The following TYW1B variants were observed in gnomAD, a reference collection of about 807,000 sequenced individuals.
TYW1B encodes S-adenosyl-L-methionine-dependent tRNA 4-demethylwyosine synthase TYW1B.
Under a neutral mutation model 86.9 loss-of-function variants are expected in TYW1B, and 73 were observed. That is an observed-to-expected ratio of 0.84 (90% CI 0.70 to 1.02). The LOEUF (loss-of-function observed/expected upper bound fraction) is 1.02. TYW1B is among the 50% of genes least tolerant of loss of function. The pLI is 0.00. For missense variants in TYW1B, 637 were observed against 827.4 expected, an observed-to-expected ratio of 0.77 and a Z score of 2.82; for synonymous variants, 248 against 292.8, an observed-to-expected ratio of 0.85 and a Z score of 1.56.
chr7:72,815,824 G>A (rs1788712592), intron 2 of TYW1B, among the ~76,000 whole-genome samples: 2 of 152,094 alleles, frequency 1.3e-5, no homozygotes, highest in African/African-American at 2.4e-5. Flanking sequence ...AGGACCACTT[G>A]AGGCCAAGCC....
intron 9 of TYW1B, among the ~76,000 whole-genome samples, chr7:72,715,307 T>C (rs1786757065): frequency 6.6e-6 from 1 of 152,160 alleles, no homozygotes. Context: ...AGAATCCCAA[T>C]GTCCAGGCCA....
At chr7:72,689,876 CA>C (rs1271914658) in intron 11 of TYW1B, among the ~76,000 whole-genome samples, 1 of 152,130 alleles carries the variant, frequency 6.6e-6, no homozygotes, top group Non-Finnish European at 1.5e-5. Context: ...GATATAAGGT[CA>C]AATGTGAAAT....
At chr7:72,752,732 A>AAAACAAAC (rs143294618) in intron 7 of TYW1B, among the ~76,000 whole-genome samples, 84,928 of 150,692 alleles carry the variant, frequency 0.56, 24,725 homozygotes, top group Non-Finnish European at 0.64. Context: ...CTCCGTCTCA[A>AAAACAAAC]AAACAAACAA....
rs60686482 is a variant in TYW1B at position 72,800,707 on chromosome 7, C to CAA, written c.846+1691_846+1692dup. On this transcript the variant is annotated intron_variant, in intron 6 of 13. Coordinates refer to ENST00000620995, the MANE Select transcript of TYW1B (RefSeq NM_001145440.3). ...CTTGACAGAGCAAGACTCGAAAAGT[C>CAA]AAAAAAAAAAAAAAAAAAAGGCAGA... Among the ~76,000 whole-genome samples, 321 of 127,918 alleles carry CAA rather than the reference C, an allele frequency of 2.5e-3. 2 individuals carry two copies. Among genetic ancestry groups the CAA allele is most frequent in the African/African-American group, 8.5e-3 (291 of 34,180 alleles). The allele number at this position is 127,918 out of a possible 152,430, so 83.9% of individuals were successfully genotyped here.
intron 11 of TYW1B, among the ~76,000 whole-genome samples, chr7:72,648,606 A>G (rs190202443): frequency 6.6e-6 from 1 of 152,214 alleles, no homozygotes; most frequent in Non-Finnish European, 1.5e-5. Flanking sequence ...AGAGTAGAAA[A>G]GACATGCCTT....
rs1308907828 is a variant in TYW1B at position 72,690,021 on chromosome 7, T to C, written c.1506+4666A>G. On this transcript the variant is annotated intron_variant, in intron 11 of 13. Transcript: ENST00000620995. Reference sequence around the variant, plus strand: ...AACAACCATTATTCAAATAATGATGTCAGGTCAGAGTATCCTAACATCTGT... The same window carrying C: ...AACAACCATTATTCAAATAATGATGCCAGGTCAGAGTATCCTAACATCTGT... Among the ~76,000 whole-genome samples the C allele has an allele frequency of 1.3e-5, 2 of 152,348 alleles. 1 individual carries two copies. The highest frequency in any genetic ancestry group is 4.1e-4 in the South Asian group (2 of 4,830).
intron 13 of TYW1B, among the ~76,000 whole-genome samples, chr7:72,608,026 A>G (rs1416411889): frequency 3.9e-5 from 6 of 152,236 alleles, no homozygotes; most frequent in African/African-American, 1.4e-4. Context: ...ATCAGATACC[A>G]GAGAAGTCAG....
At chr7:72,704,689 CGT>C (rs1489882833) in intron 10 of TYW1B, among the ~76,000 whole-genome samples, 1 of 152,078 alleles carries the variant, frequency 6.6e-6, no homozygotes, top group African/African-American at 2.4e-5. Flanking sequence ...GTGAAACTTC[CGT>C]GTTTCATGTC....
At chr7:72,734,274 A>G (rs1405994378) in intron 8 of TYW1B, among the ~76,000 whole-genome samples, 1 of 150,808 alleles carries the variant, frequency 6.6e-6, no homozygotes, top group Non-Finnish European at 1.5e-5. Flanking sequence ...AAAAAACACA[A>G]CAAAAAAACT....
At chr7:72,597,689 A>C (rs1811570394) in intron 13 of TYW1B, among the ~76,000 whole-genome samples, 1 of 152,248 alleles carries the variant, frequency 6.6e-6, no homozygotes, top group African/African-American at 2.4e-5. Context: ...GAAATTTTTT[A>C]TCATAGAGAA....
chr7:72,699,651 T>G (rs1292932714), intron 10 of TYW1B, among the ~76,000 whole-genome samples: 6 of 151,884 alleles, frequency 4.0e-5, no homozygotes, highest in Admixed American at 6.6e-5. Context: ...TAATTTTTCT[T>G]TTCTTTTTTT....
At chr7:72,642,554 C>T (rs188095356) in intron 11 of TYW1B, among the ~76,000 whole-genome samples, 1,788 of 152,232 alleles carry the variant, frequency 0.012, 37 homozygotes, top group African/African-American at 0.041. Context: ...AGCTGAAGAA[C>T]GGACAAAGAA....
intron 12 of TYW1B, among the ~76,000 whole-genome samples, chr7:72,626,910 C>T (rs1479492093): frequency 6.6e-6 from 1 of 151,856 alleles, no homozygotes; most frequent in South Asian, 2.1e-4. Context: ...CAGCTTCACG[C>T]CCTTTCCTAG....
In TYW1B at chr7:72,575,354, G is replaced by A. The variant is rs1470697064; in HGVS notation, c.*144C>T. 6 of 1,447,072 alleles carry A rather than the reference G, an allele frequency of 4.1e-6. No individual in the cohort carries two copies. The highest frequency in any genetic ancestry group is 2.9e-5 in the Admixed American group (1 of 34,974). 89.6% of individuals were successfully genotyped at this position (1,447,072 alleles called of 1,614,324 possible). A position where few individuals can be genotyped will look rare whatever the true frequency, so the allele number is the denominator to read the frequency against. ...CCTCTGAGTGTGGACGCTGTCCCCCGTGTCTCCATGTTTACTGCCTTATCG... is the reference window on the plus strand; with the variant it reads ...CCTCTGAGTGTGGACGCTGTCCCCCATGTCTCCATGTTTACTGCCTTATCG... On this transcript the variant is annotated 3_prime_UTR_variant, in exon 14 of 14. Transcript: ENST00000620995.
chr7:72,766,570 C>G (rs554512919), intron 7 of TYW1B, among the ~76,000 whole-genome samples: 1 of 142,744 alleles, frequency 7.0e-6, no homozygotes, highest in Non-Finnish European at 1.5e-5. Flanking sequence ...GCCAAGATCA[C>G]GCCACTGTAC....
At chr7:72,787,010 C>T (rs1293146694) in intron 6 of TYW1B, among the ~76,000 whole-genome samples, 8 of 151,836 alleles carry the variant, frequency 5.3e-5, no homozygotes, top group Non-Finnish European at 1.2e-4. Flanking sequence ...TAACATTACA[C>T]ATTCACGTTG....
intron 6 of TYW1B, among the ~76,000 whole-genome samples, chr7:72,780,868 T>C (rs1563091997): frequency 6.6e-6 from 1 of 152,056 alleles, no homozygotes; most frequent in Non-Finnish European, 1.5e-5. Flanking sequence ...ATTCTAACTC[T>C]AATCTGCTAG....
At chr7:72,703,356 C>G (rs1198795236) in intron 10 of TYW1B, among the ~76,000 whole-genome samples, 9 of 151,924 alleles carry the variant, frequency 5.9e-5, no homozygotes, top group Non-Finnish European at 1.2e-4. Context: ...ACTGTAACTT[C>G]TTTTTGACCC....
chr7:72,784,585 T>A (rs1479569395), intron 6 of TYW1B, among the ~76,000 whole-genome samples: 1 of 152,090 alleles, frequency 6.6e-6, no homozygotes, highest in African/African-American at 2.4e-5. Context: ...GAAACCTCCA[T>A]CTCTCAGGCT....
Sources: gnomAD v4.1 joint callset for allele counts (sites outside exome capture counted in the v4.1 genomes callset) on GRCh38, gnomAD v4.1.1 for gene constraint, MANE v1.5 for transcripts, NCBI Gene and HGNC (gene_info 2026-07-23, HGNC 2026-07-21) for gene names.